The following ZNF90 variants were observed in gnomAD, a reference collection of about 807,000 sequenced individuals.
The protein encoded by ZNF90 is zinc finger protein HTF9.
Under a neutral mutation model 12.0 loss-of-function variants are expected in ZNF90, and 11 were observed. That is an observed-to-expected ratio of 0.92 (90% CI 0.58 to 1.52). ZNF90 has a LOEUF of 1.52. Among genes scored for constraint, ZNF90 ranks in the 40% most tolerant of loss-of-function variants. The probability of loss-of-function intolerance (pLI) is 0.00; values close to 1 mark genes in which losing one functional copy is unlikely to be tolerated. For missense variants in ZNF90, 765 were observed against 711.5 expected (o/e 1.08, Z -0.86); for synonymous variants, 232 against 240.1 (o/e 0.97, Z 0.31).
intron 1 of ZNF90, 41 bp from the exon 2 acceptor site, chr19:20,104,198 C>T (rs1555704141): frequency 1.2e-6 from 2 of 1,608,270 alleles, no homozygotes; most frequent in Admixed American, 1.7e-5. Context: ...TGCCCATGAC[C>T]ACTTGGTAAA....
chr19:20,114,686 T>G (rs1390344005), intron 3 of ZNF90, among the ~76,000 whole-genome samples: 2 of 152,214 alleles, frequency 1.3e-5, no homozygotes, highest in African/African-American at 2.4e-5. Flanking sequence ...ACTTTGTTTT[T>G]GGCCTAACAG....
intron 3 of ZNF90, among the ~76,000 whole-genome samples, chr19:20,117,215 TG>T (rs1555705761): frequency 6.6e-6 from 1 of 152,068 alleles, no homozygotes; most frequent in Non-Finnish European, 1.5e-5. Context: ...GCTAATATTT[TG>T]TATTTTTAGT....
chr19:20,084,973 C>T (rs782806055), intron 1 of ZNF90, among the ~76,000 whole-genome samples: 20 of 152,040 alleles, frequency 1.3e-4, no homozygotes, highest in Non-Finnish European at 2.8e-4. Flanking sequence ...TGGTAGCTTC[C>T]TCATGAAGTC....
At chr19:20,108,159 A>T (rs2089055760) in intron 3 of ZNF90, among the ~76,000 whole-genome samples, 2 of 152,198 alleles carry the variant, frequency 1.3e-5, no homozygotes, top group African/African-American at 2.4e-5. Context: ...ATGCTAATTT[A>T]TTAAAAGTTT....
intron 1 of ZNF90, 45 bp from the exon 2 acceptor site, chr19:20,104,194 T>A: frequency 6.2e-7 from 1 of 1,608,890 alleles, no homozygotes; most frequent in African/African-American, 1.3e-5. Flanking sequence ...ACTTTGCCCA[T>A]GACCACTTGG....
intron 3 of ZNF90, among the ~76,000 whole-genome samples, chr19:20,117,373 T>TTTTCC (rs1314209402): frequency 6.7e-6 from 1 of 149,234 alleles, no homozygotes; most frequent in African/African-American, 2.5e-5. Flanking sequence ...CTTTTCTTTT[T>TTTTCC]TTTCCTTTCT....
At position 20,104,360 on chromosome 19, in the gene ZNF90, T is replaced by A; in HGVS notation, c.125T>A (p.Phe42Tyr). ...VMLENYRHLV[F>Y]LGIVVTKPDL... ...TTAGAGAACTACAGACACCTGGTCT[T>A]CCTTGGTGAGGATAAGTGGAATACA... The change falls in exon 2 of 4, where the codon TTC (phenylalanine) becomes TAC (tyrosine). Residue 42 changes from phenylalanine (F) to tyrosine (Y), a missense_variant. Phe to Tyr is a conservative substitution (Grantham distance 22). Coordinates refer to ENST00000418063, the MANE Select transcript of ZNF90 (RefSeq NM_007138.2). The A allele has an allele frequency of 6.2e-7, 1 of 1,612,932 alleles. No individual in the cohort carries two copies. Among genetic ancestry groups the A allele is most frequent in the Non-Finnish European group, 8.5e-7 (1 of 1,179,580 alleles).
At chr19:20,085,627 T>A (rs551127295) in intron 1 of ZNF90, among the ~76,000 whole-genome samples, 1 of 152,336 alleles carries the variant, frequency 6.6e-6, no homozygotes, top group South Asian at 2.1e-4. Context: ...TTTTCCCTCA[T>A]AAACCTTCTT....
At chr19:20,091,462 C>T (rs995228149) in intron 1 of ZNF90, among the ~76,000 whole-genome samples, 23 of 152,104 alleles carry the variant, frequency 1.5e-4, no homozygotes, top group Admixed American at 1.4e-3. Flanking sequence ...GGTCTAAGAA[C>T]CATTTGCCTT....
At chr19:20,113,727 C>T (rs1202702278) in intron 3 of ZNF90, among the ~76,000 whole-genome samples, 1 of 152,016 alleles carries the variant, frequency 6.6e-6, no homozygotes, top group Non-Finnish European at 1.5e-5. Flanking sequence ...ACTAGGGAGG[C>T]TGAGGCAGGA....
chr19:20,101,008 C>T (rs1300896427), intron 1 of ZNF90, among the ~76,000 whole-genome samples: 2 of 152,110 alleles, frequency 1.3e-5, no homozygotes, highest in Non-Finnish European at 2.9e-5. Context: ...TGTTTTCACT[C>T]TATTAAATCT....
At chr19:20,110,420 A>C (rs921941601) in intron 3 of ZNF90, among the ~76,000 whole-genome samples, 5 of 152,060 alleles carry the variant, frequency 3.3e-5, no homozygotes, top group Admixed American at 1.3e-4. Flanking sequence ...CTGGGATTAC[A>C]GGCACCCACT....
intron 3 of ZNF90, among the ~76,000 whole-genome samples, chr19:20,111,893 CTA>C (rs1228067578): frequency 1.3e-5 from 2 of 150,118 alleles, no homozygotes; most frequent in African/African-American, 2.5e-5. Context: ...GAGTCTCACT[CTA>C]TTGCCCAGGC....
chr19:20,112,207 T>C (rs2089095750), intron 3 of ZNF90, among the ~76,000 whole-genome samples: 1 of 151,108 alleles, frequency 6.6e-6, no homozygotes, highest in South Asian at 2.1e-4. Context: ...AAAAGAACTT[T>C]AAAGGTTTCA....
intron 3 of ZNF90, among the ~76,000 whole-genome samples, chr19:20,117,401 T>TTTC (rs2039300306): frequency 6.9e-6 from 1 of 145,560 alleles, no homozygotes; most frequent in African/African-American, 2.7e-5. Flanking sequence ...TCTTTTCTCC[T>TTTC]TCCTTCCTTC....
intron 1 of ZNF90, among the ~76,000 whole-genome samples, chr19:20,086,232 CTTTTTTTTTTTT>C (rs59433953): frequency 2.0e-5 from 2 of 99,796 alleles, no homozygotes; most frequent in East Asian, 6.3e-4. Context: ...ATTTTCTTTT[CTTTTTTTTTTTT>C]TTTTTTTTTT....
chr19:20,083,584 C>T (rs2088837229), intron 1 of ZNF90, among the ~76,000 whole-genome samples: 1 of 152,172 alleles, frequency 6.6e-6, no homozygotes, highest in Non-Finnish European at 1.5e-5. Context: ...ACTTCAGCCT[C>T]CCAAAGTGCT....
At chr19:20,116,487 T>G (rs1486273732) in intron 3 of ZNF90, among the ~76,000 whole-genome samples, 2 of 152,272 alleles carry the variant, frequency 1.3e-5, no homozygotes, top group Non-Finnish European at 2.9e-5. Flanking sequence ...ATTTGGAATT[T>G]TAAAAATTAC....
intron 1 of ZNF90, among the ~76,000 whole-genome samples, chr19:20,078,889 G>C (rs77821249): frequency 0.033 from 5,074 of 152,100 alleles, 283 homozygotes; most frequent in East Asian, 0.25. Flanking sequence ...TTGGGGCGCC[G>C]AGGCGGGCGG....
Sources: gnomAD v4.1 joint callset for allele counts (sites outside exome capture counted in the v4.1 genomes callset) on GRCh38, gnomAD v4.1.1 for gene constraint, MANE v1.5 for transcripts, NCBI Gene and HGNC (gene_info 2026-07-23, HGNC 2026-07-21) for gene names.